TIAM1: variants seen among roughly 807,000 people sequenced by gnomAD.
The protein encoded by TIAM1 is TIAM Rac1 associated GEF 1.
TIAM1 carries 65 observed loss-of-function variants against 163.5 expected under a neutral mutation model. That is an observed-to-expected ratio of 0.40 (90% CI 0.33 to 0.49). The LOEUF is 0.49. TIAM1 is among the 20% of genes least tolerant of loss of function. The pLI is 0.77. For missense variants in TIAM1, 1,789 were observed against 2,044.7 expected (o/e 0.87, Z 2.41); for synonymous variants, 833 against 810.1 (o/e 1.03, Z -0.48).
intron 8 of TIAM1, among the ~76,000 whole-genome samples, chr21:31,222,267 C>T (rs2087600397): frequency 6.6e-6 from 1 of 152,148 alleles, no homozygotes; most frequent in Non-Finnish European, 1.5e-5. Flanking sequence ...TGAGACTTAA[C>T]ATTTAATTCT....
At chr21:31,449,776 C>T (rs1234105971) in intron 2 of TIAM1, among the ~76,000 whole-genome samples, 1 of 152,208 alleles carries the variant, frequency 6.6e-6, no homozygotes, top group Non-Finnish European at 1.5e-5. Context: ...GTCACAACTC[C>T]CTTTTCTTTC....
At chr21:31,399,380 A>G (rs143805979) in intron 2 of TIAM1, among the ~76,000 whole-genome samples, 33 of 152,300 alleles carry the variant, frequency 2.2e-4, no homozygotes, top group African/African-American at 7.9e-4. Flanking sequence ...AGTTTTAAAA[A>G]TAATAAATTA....
In TIAM1 at chr21:31,314,247, A is replaced by AT. The variant is rs552543970; in HGVS notation, c.-189+24995dup. ...TCACACTGACCCTTGGCAAGGATAT[A>AT]TTTTTTTTAAGTTTTACTATCACAG... On this transcript the variant is annotated intron_variant, in intron 2 of 27. Coordinates refer to ENST00000541036, the MANE Select transcript of TIAM1 (RefSeq NM_001353694.2). 9.9e-5 allele frequency among the ~76,000 whole-genome samples: 15 copies of AT among 152,090 alleles called. No individual in the cohort carries two copies. The South Asian group carries it at 2.3e-3, about 23-fold the overall frequency.
At chr21:31,131,941 C>A (rs2082425825) in intron 23 of TIAM1, among the ~76,000 whole-genome samples, 1 of 152,192 alleles carries the variant, frequency 6.6e-6, no homozygotes, top group Non-Finnish European at 1.5e-5. Flanking sequence ...GACTTCCAGC[C>A]TCCACAACTG....
chr21:31,455,764 C>G (rs547704686), intron 2 of TIAM1, among the ~76,000 whole-genome samples: 2 of 152,284 alleles, frequency 1.3e-5, no homozygotes, highest in East Asian at 3.9e-4. Context: ...GAAAAATTAT[C>G]AGGCAAACCA....
At chr21:31,378,241 G>C (rs1165953382) in intron 2 of TIAM1, among the ~76,000 whole-genome samples, 1 of 151,934 alleles carries the variant, frequency 6.6e-6, no homozygotes, top group East Asian at 1.9e-4. Flanking sequence ...CAGAATCCTG[G>C]GGGCCTCACC....
intron 2 of TIAM1, among the ~76,000 whole-genome samples, chr21:31,290,646 C>CAAAAAAAAAAAAAAAAAAAAAAA (rs200030849): frequency 1.6e-5 from 1 of 63,212 alleles, no homozygotes; most frequent in African/African-American, 7.0e-5. Context: ...GACTCTATCT[C>CAAAAAAAAAAAAAAAAAAAAAAA]AAAAAAAAAA....
chr21:31,425,262 G>A (rs752826235), intron 2 of TIAM1, among the ~76,000 whole-genome samples: 7 of 152,034 alleles, frequency 4.6e-5, no homozygotes, highest in Non-Finnish European at 7.4e-5. Context: ...ACTTCACAAC[G>A]GAGAAATCAG....
chr21:31,227,476 G>A (rs2088055902), intron 6 of TIAM1, among the ~76,000 whole-genome samples: 1 of 152,152 alleles, frequency 6.6e-6, no homozygotes, highest in South Asian at 2.1e-4. Context: ...GTTGTTATGT[G>A]GATAACAAAT....
At chr21:31,532,238 G>A (rs183277274) in intron 1 of TIAM1, among the ~76,000 whole-genome samples, 1 of 152,302 alleles carries the variant, frequency 6.6e-6, no homozygotes, top group East Asian at 1.9e-4. Flanking sequence ...AAGAGTGGAG[G>A]AGATTACACA....
At chr21:31,319,057 TTG>T (rs1333726653) in intron 2 of TIAM1, among the ~76,000 whole-genome samples, 2 of 152,154 alleles carry the variant, frequency 1.3e-5, no homozygotes, top group African/African-American at 2.4e-5. Flanking sequence ...TCAAATTTTT[TTG>T]TGTCTCCAGC....
chr21:31,241,538 C>T (rs1452902221), intron 6 of TIAM1, among the ~76,000 whole-genome samples: 1 of 152,202 alleles, frequency 6.6e-6, no homozygotes, highest in African/African-American at 2.4e-5. Flanking sequence ...AAATATTTCA[C>T]AGATTTTAAG....
chr21:31,198,333 G>GGGGGATAGGAAC (rs2085995092), intron 12 of TIAM1, among the ~76,000 whole-genome samples: 1 of 152,140 alleles, frequency 6.6e-6, no homozygotes, highest in Non-Finnish European at 1.5e-5. Context: ...CAAGGAGTGT[G>GGGGGATAGGAAC]GGGGATAGGA....
intron 1 of TIAM1, among the ~76,000 whole-genome samples, chr21:31,501,074 C>CT (rs956706372): frequency 1.3e-5 from 2 of 151,494 alleles, no homozygotes; most frequent in Admixed American, 6.6e-5. Context: ...TTTGTTGGTT[C>CT]TTTTTTTTTC....
chr21:31,327,209 G>A (rs1032362257), intron 2 of TIAM1, among the ~76,000 whole-genome samples: 1 of 152,160 alleles, frequency 6.6e-6, no homozygotes, highest in Non-Finnish European at 1.5e-5. Context: ...CTGTTTGGAA[G>A]GTAAATGAAA....
At chr21:31,135,243 G>A (rs1652713638) in intron 23 of TIAM1, among the ~76,000 whole-genome samples, 1 of 152,158 alleles carries the variant, frequency 6.6e-6, no homozygotes, top group South Asian at 2.1e-4. Flanking sequence ...AACAAGCTAT[G>A]TTTCCTAAAT....
chr21:31,132,256 G>A (rs1212670769), intron 23 of TIAM1, among the ~76,000 whole-genome samples: 5 of 152,148 alleles, frequency 3.3e-5, no homozygotes, highest in Non-Finnish European at 5.9e-5. Flanking sequence ...CTTTGTGTAA[G>A]ATCATGCTAA....
rs781153297 is a variant in TIAM1, at chr21:31,181,756, CTTTTTTTTTTTTTTTTTTTTTT to C, written c.2887+643_2887+664del. Among the ~76,000 whole-genome samples the C allele has an allele frequency of 4.1e-3, 169 of 41,336 alleles. 11 individuals are homozygous for C. The highest frequency in any genetic ancestry group is 0.012 in the East Asian group (23 of 1,970). The allele number at this position is 41,336 out of a possible 152,430, so 27.1% of individuals were successfully genotyped here. ...CCCAGCACTTCTTCTTCTTCTTCTT[CTTTTTTTTTTTTTTTTTTTTTT>C]TTTTTTTTTTTTTTTTTTTTTTTTT... On this transcript the variant is annotated intron_variant, in intron 15 of 27. Transcript: ENST00000541036.
intron 1 of TIAM1, among the ~76,000 whole-genome samples, chr21:31,482,790 G>A (rs918279886): frequency 6.6e-6 from 1 of 152,154 alleles, no homozygotes; most frequent in Non-Finnish European, 1.5e-5. Flanking sequence ...CAAGGCCAAC[G>A]TAACACTGAA....
Sources: allele counts gnomAD v4.1 joint callset (sites outside exome capture counted in the v4.1 genomes callset), GRCh38; gene constraint gnomAD v4.1.1; transcripts MANE v1.5; gene names NCBI Gene and HGNC (gene_info 2026-07-23, HGNC 2026-07-21).